The following UBP1 variants were observed in gnomAD, a reference collection of about 807,000 sequenced individuals.
The protein encoded by UBP1 is upstream binding protein 1, also known as upstream-binding protein 1.
UBP1 carries 22 observed loss-of-function variants against 76.1 expected under a neutral mutation model. That is an observed-to-expected ratio of 0.29 (90% confidence interval 0.21 to 0.41). The LOEUF (loss-of-function observed/expected upper bound fraction) is 0.41. Ranked by LOEUF, UBP1 falls within the 10% of genes least tolerant of loss-of-function variation. UBP1 has a pLI of 1.00. For synonymous variants in UBP1, 224 were observed against 237.1 expected (o/e 0.94, Z 0.51); for missense variants, 436 against 668.1 (o/e 0.65, Z 3.83).
chr3:33,399,838 C>T (rs1024875595), intron 11 of UBP1, among the ~76,000 whole-genome samples: 2 of 151,904 alleles, frequency 1.3e-5, no homozygotes, highest in Admixed American at 6.6e-5. Flanking sequence ...AAGAGTACAC[C>T]GAAATATCAC....
intron 2 of UBP1, among the ~76,000 whole-genome samples, chr3:33,420,160 C>T (rs543995947): frequency 1.3e-5 from 2 of 152,256 alleles, no homozygotes; most frequent in South Asian, 4.2e-4. Flanking sequence ...TTTCTAAAGT[C>T]CTATTCCTAT....
At chr3:33,398,243 A>G (rs1313271103) in intron 11 of UBP1, 2 of 152,238 alleles carry the variant, frequency 1.3e-5, no homozygotes, top group Non-Finnish European at 2.9e-5. Context: ...GTAGAAGATA[A>G]TGGAGTCATC....
intron 1 of UBP1, among the ~76,000 whole-genome samples, chr3:33,429,248 G>C (rs1171892722): frequency 6.6e-6 from 1 of 152,130 alleles, no homozygotes; most frequent in Admixed American, 6.5e-5. Context: ...CTACTATGTT[G>C]AAAGTCCTAA....
intron 2 of UBP1, among the ~76,000 whole-genome samples, chr3:33,419,706 A>G (rs2044837177): frequency 6.6e-6 from 1 of 152,114 alleles, no homozygotes. Context: ...CCTATTGGAA[A>G]CTATTATATT....
chr3:33,409,174 T>C, intron 7 of UBP1, 62 bp downstream of exon 7: 1 of 1,509,342 alleles, frequency 6.6e-7, no homozygotes, highest in Non-Finnish European at 9.2e-7. Flanking sequence ...GAACTCATCT[T>C]AGAAATAGAC....
chr3:33,417,102 C>T (rs1314107009), intron 2 of UBP1, among the ~76,000 whole-genome samples: 2 of 152,178 alleles, frequency 1.3e-5, no homozygotes, highest in Non-Finnish European at 2.9e-5. Flanking sequence ...GCTTGCATTA[C>T]CTAAGACTAA....
At chr3:33,394,860 C>A (rs920967612) in intron 13 of UBP1, among the ~76,000 whole-genome samples, 5 of 148,546 alleles carry the variant, frequency 3.4e-5, no homozygotes, top group African/African-American at 5.0e-5. Context: ...ACTGGAACAG[C>A]CTTATCTACA....
chr3:33,429,825 T>TG (rs1413175534), intron 1 of UBP1, among the ~76,000 whole-genome samples: 1 of 152,228 alleles, frequency 6.6e-6, no homozygotes, highest in Non-Finnish European at 1.5e-5. Flanking sequence ...AATGAATGAC[T>TG]GCAAGACCCT....
At chr3:33,392,649 A>G in intron 14 of UBP1, 35 bp from the exon 15 acceptor site, 1 of 1,566,302 alleles carries the variant, frequency 6.4e-7, no homozygotes, top group Non-Finnish European at 8.7e-7. Context: ...AGTACAATTA[A>G]GATCCAACTG....
At chr3:33,425,165 T>C (rs1181742433) in intron 2 of UBP1, among the ~76,000 whole-genome samples, 1 of 152,122 alleles carries the variant, frequency 6.6e-6, no homozygotes, top group Non-Finnish European at 1.5e-5. Context: ...GGGATAAAAT[T>C]TGATGTTTAT....
chr3:33,401,938 AT>A (rs758455514), intron 9 of UBP1, among the ~76,000 whole-genome samples: 14 of 152,254 alleles, frequency 9.2e-5, no homozygotes, highest in South Asian at 4.1e-4. Context: ...GTCCAAGGCT[AT>A]TTTTCTACTC....
rs2043642104 is a variant in UBP1 at position 33,388,963 on chromosome 3, G to A, written c.*1368C>T. Reference sequence around the variant, plus strand: ...AGTACATTCAAATCAGGACACCTGGGTATATGGACAAAGATATCCTACAAT... The same window carrying A: ...AGTACATTCAAATCAGGACACCTGGATATATGGACAAAGATATCCTACAAT... On this transcript the variant is annotated 3_prime_UTR_variant, in exon 16 of 16. Coordinates refer to ENST00000283629, the MANE Select transcript of UBP1 (RefSeq NM_014517.5). The A allele has an allele frequency of 6.6e-6, 1 of 152,068 alleles. No individual in the cohort carries two copies. The highest frequency in any genetic ancestry group is 2.1e-4 in the South Asian group (1 of 4,826). 9.4% of individuals were successfully genotyped at this position (152,068 alleles called of 1,614,324 possible).
chr3:33,390,432 A>G (rs1259434718), intron 15 of UBP1, 64 bp from the exon 16 acceptor site: 10 of 1,575,666 alleles, frequency 6.3e-6, no homozygotes, highest in African/African-American at 1.4e-5. Flanking sequence ...TATTAAATGG[A>G]AAACTCCCTG....
At chr3:33,419,106 G>C (rs1412974968) in intron 2 of UBP1, among the ~76,000 whole-genome samples, 2 of 152,164 alleles carry the variant, frequency 1.3e-5, no homozygotes, top group Non-Finnish European at 1.5e-5. Flanking sequence ...ACAGAAAGAA[G>C]AGTTGAGGAT....
At chr3:33,431,368 C>T (rs1244107161) in intron 1 of UBP1, among the ~76,000 whole-genome samples, 1 of 152,078 alleles carries the variant, frequency 6.6e-6, no homozygotes, top group Admixed American at 6.5e-5. Context: ...ATTCAAGAAG[C>T]CCAAATGACC....
intron 1 of UBP1, among the ~76,000 whole-genome samples, chr3:33,428,375 C>CA (rs1391432013): frequency 6.6e-6 from 1 of 151,968 alleles, no homozygotes; most frequent in African/African-American, 2.4e-5. Context: ...CGAAAAATAA[C>CA]ACAGGGAATA....
At chr3:33,392,321 G>C (rs891823459) in intron 15 of UBP1, 1 of 413,728 alleles carries the variant, frequency 2.4e-6, no homozygotes, top group Non-Finnish European at 4.3e-6. Context: ...GACACAAAGT[G>C]CTCAGTAAGA....
chr3:33,422,570 T>A (rs182812079), intron 2 of UBP1, among the ~76,000 whole-genome samples: 50 of 151,980 alleles, frequency 3.3e-4, no homozygotes, highest in South Asian at 1.3e-3. Flanking sequence ...AAATTTTTTT[T>A]AAAAATTTGC....
At chr3:33,400,305 T>C (rs1334701922) in intron 10 of UBP1, 23 bp from the exon 11 acceptor site, 1 of 1,555,236 alleles carries the variant, frequency 6.4e-7, no homozygotes, top group Non-Finnish European at 8.8e-7. Context: ...AAAATGAACA[T>C]AAATAAAAGG....
Sources: allele counts gnomAD v4.1 joint callset (sites outside exome capture counted in the v4.1 genomes callset), GRCh38; gene constraint gnomAD v4.1.1; transcripts MANE v1.5; gene names NCBI Gene and HGNC (gene_info 2026-07-23, HGNC 2026-07-21).